Variants in ATG10 observed in about 807,000 individuals in gnomAD.
ATG10 encodes ubiquitin-like-conjugating enzyme ATG10.
ATG10 carries 30 observed loss-of-function variants against 32.1 expected under a neutral mutation model. That is an observed-to-expected ratio of 0.94 (90% CI 0.70 to 1.27). The LOEUF (loss-of-function observed/expected upper bound fraction) is 1.27. Ranked by LOEUF, ATG10 falls within the 50% of genes most tolerant of loss-of-function variation. The pLI is 0.00. For synonymous variants in ATG10, 87 were observed against 91.5 expected, an observed-to-expected ratio of 0.95 and a Z score of 0.28; for missense variants, 233 against 262.3, an observed-to-expected ratio of 0.89 and a Z score of 0.77.
intron 3 of ATG10, among the ~76,000 whole-genome samples, chr5:82,106,867 A>G (rs1477654085): frequency 6.6e-6 from 1 of 151,982 alleles, no homozygotes; most frequent in Non-Finnish European, 1.5e-5. Context: ...ATAAGGGGCA[A>G]TTTGAGCAGT....
At chr5:82,028,923 G>A (rs899447274) in intron 2 of ATG10, among the ~76,000 whole-genome samples, 2 of 152,106 alleles carry the variant, frequency 1.3e-5, no homozygotes, top group African/African-American at 4.8e-5. Flanking sequence ...GGAAATGTGA[G>A]GTTAAAAATG....
intron 3 of ATG10, among the ~76,000 whole-genome samples, chr5:82,129,050 C>T (rs1474514690): frequency 6.6e-6 from 1 of 150,726 alleles, no homozygotes; most frequent in Non-Finnish European, 1.5e-5. Context: ...GGAGGCTTTT[C>T]ATTCTTTTTC....
chr5:82,211,772 C>T (rs1318173044), intron 5 of ATG10, among the ~76,000 whole-genome samples: 2 of 152,160 alleles, frequency 1.3e-5, no homozygotes, highest in African/African-American at 4.8e-5. Flanking sequence ...CTCTAGCGTC[C>T]CCCAACTTCA....
At chr5:82,043,740 G>A (rs924064379) in intron 2 of ATG10, among the ~76,000 whole-genome samples, 6 of 152,150 alleles carry the variant, frequency 3.9e-5, no homozygotes, top group Non-Finnish European at 8.8e-5. Context: ...GCAAAATGCT[G>A]CCAGTCTCTT....
intron 2 of ATG10, among the ~76,000 whole-genome samples, chr5:81,997,917 G>A (rs779287666): frequency 3.3e-5 from 5 of 152,192 alleles, no homozygotes; most frequent in Non-Finnish European, 7.3e-5. Flanking sequence ...TGACTCATTG[G>A]TATCCCTGAA....
At chr5:82,025,312 A>C (rs961694793) in intron 2 of ATG10, among the ~76,000 whole-genome samples, 18 of 152,182 alleles carry the variant, frequency 1.2e-4, no homozygotes, top group African/African-American at 4.3e-4. Flanking sequence ...CATATAATTC[A>C]CCTTGTTCCA....
At position 82,101,003 on chromosome 5, in the gene ATG10, T is replaced by A. The variant is rs192574858; in HGVS notation, c.216+42401T>A. Among the ~76,000 whole-genome samples the A allele has an allele frequency of 2.6e-5, 4 of 152,252 alleles. No individual in the cohort carries two copies. The East Asian group carries it at 7.7e-4, about 29-fold the overall frequency. Reference sequence around the variant, plus strand: ...TAGCTTCAACCTGTATAGAAGAGGATGACTCAGATGGTGAGGAAGCTGAAA... The same window carrying A: ...TAGCTTCAACCTGTATAGAAGAGGAAGACTCAGATGGTGAGGAAGCTGAAA... On this transcript the variant is annotated intron_variant, in intron 3 of 7. Coordinates refer to ENST00000282185, the MANE Select transcript of ATG10 (RefSeq NM_031482.5).
chr5:82,006,579 A>G (rs1448890866), intron 2 of ATG10, among the ~76,000 whole-genome samples: 1 of 152,200 alleles, frequency 6.6e-6, no homozygotes, highest in Non-Finnish European at 1.5e-5. Flanking sequence ...TATTAAAATT[A>G]ATGAATGAAT....
intron 2 of ATG10, among the ~76,000 whole-genome samples, chr5:82,058,229 T>C (rs1188922710): frequency 1.3e-5 from 2 of 152,168 alleles, no homozygotes; most frequent in Admixed American, 1.3e-4. Flanking sequence ...CTTGGTGCTA[T>C]GGACTAGTCA....
chr5:82,161,534 T>C (rs1211241576), intron 3 of ATG10, among the ~76,000 whole-genome samples: 1 of 152,120 alleles, frequency 6.6e-6, no homozygotes, highest in Non-Finnish European at 1.5e-5. Context: ...ATATTTTTTC[T>C]AAAACTTGTA....
At chr5:82,197,720 TTCTATCTATCTATCTA>T (rs10586711) in intron 5 of ATG10, among the ~76,000 whole-genome samples, 3,609 of 143,918 alleles carry the variant, frequency 0.025, 73 homozygotes, top group African/African-American at 0.056. Context: ...CTTTCTTTCT[TTCTATCTATCTATCTA>T]TCTATCTATC....
intron 5 of ATG10, among the ~76,000 whole-genome samples, chr5:82,189,716 T>C (rs1296842347): frequency 1.3e-5 from 2 of 152,192 alleles, no homozygotes; most frequent in Non-Finnish European, 2.9e-5. Flanking sequence ...CTCCGCCTTC[T>C]GGGCTCAAGC....
chr5:82,063,638 A>G, intron 3 of ATG10, among the ~76,000 whole-genome samples: 1 of 151,808 alleles, frequency 6.6e-6, no homozygotes, highest in Non-Finnish European at 1.5e-5. Context: ...GATTACAGGC[A>G]CCCATCATCA....
At chr5:81,989,756 G>A (rs1351062417) in intron 2 of ATG10, among the ~76,000 whole-genome samples, 2 of 152,042 alleles carry the variant, frequency 1.3e-5, no homozygotes, top group East Asian at 1.9e-4. Context: ...CCGCCACCAG[G>A]CCTGGCTAAT....
intron 2 of ATG10, among the ~76,000 whole-genome samples, chr5:81,994,800 C>A (rs1000775194): frequency 6.6e-6 from 1 of 152,068 alleles, no homozygotes; most frequent in Non-Finnish European, 1.5e-5. Flanking sequence ...ATGTCAGGAG[C>A]AAATATGTGA....
intron 3 of ATG10, among the ~76,000 whole-genome samples, chr5:82,152,282 G>C (rs1767634009): frequency 1.3e-5 from 2 of 152,206 alleles, no homozygotes; most frequent in Non-Finnish European, 2.9e-5. Flanking sequence ...AATTAAGGCT[G>C]CCGCCCCAGG....
At chr5:82,041,689 T>G (rs530227482) in intron 2 of ATG10, among the ~76,000 whole-genome samples, 2 of 152,134 alleles carry the variant, frequency 1.3e-5, no homozygotes, top group Non-Finnish European at 2.9e-5. Flanking sequence ...GCTCTAGAAA[T>G]CTTTGATGTG....
chr5:82,235,359 C>T (rs924103712), intron 5 of ATG10, among the ~76,000 whole-genome samples: 2 of 152,176 alleles, frequency 1.3e-5, no homozygotes, highest in Non-Finnish European at 2.9e-5. Flanking sequence ...TGGGATCACA[C>T]TGAGAAATCT....
At chr5:81,982,088 T>G (rs1761064045) in intron 1 of ATG10, among the ~76,000 whole-genome samples, 1 of 152,210 alleles carries the variant, frequency 6.6e-6, no homozygotes, top group Non-Finnish European at 1.5e-5. Flanking sequence ...AGGTTTTGAT[T>G]GAATGTCACA....
Sources: gnomAD v4.1 joint callset for allele counts (sites outside exome capture counted in the v4.1 genomes callset) on GRCh38, gnomAD v4.1.1 for gene constraint, MANE v1.5 for transcripts, NCBI Gene and HGNC (gene_info 2026-07-23, HGNC 2026-07-21) for gene names.